RSRC2: variants seen among roughly 807,000 people sequenced by gnomAD.
The protein encoded by RSRC2 is arginine/serine-rich coiled-coil protein 2.
RSRC2 carries 5 observed loss-of-function variants against 61.3 expected under a neutral mutation model. The observed-to-expected ratio is 0.08, with a 90% CI of 0.04 to 0.17. RSRC2 has a LOEUF of 0.17. RSRC2 is among the 10% of genes least tolerant of loss of function. The pLI is 1.00. For missense variants in RSRC2, 381 were observed against 518.8 expected (o/e 0.73, Z 2.58); for synonymous variants, 202 against 166.5 (o/e 1.21, Z -1.64).
chr12:122,507,501 T>C (rs1235804791), intron 8 of RSRC2, among the ~76,000 whole-genome samples: 3 of 129,594 alleles, frequency 2.3e-5, no homozygotes, highest in South Asian at 2.4e-4. Context: ...TTGCAAATAA[T>C]GTCAAAAAAA....
intron 9 of RSRC2, among the ~76,000 whole-genome samples, chr12:122,506,045 C>G (rs1046070741): frequency 6.6e-6 from 1 of 152,054 alleles, no homozygotes; most frequent in Non-Finnish European, 1.5e-5. Flanking sequence ...CCCCCGGCCT[C>G]CCGAAGTGTT....
At chr12:122,507,837 C>T (rs1002450455) in intron 8 of RSRC2, 1 of 239,738 alleles carries the variant, frequency 4.2e-6, no homozygotes, top group African/African-American at 2.3e-5. Context: ...AGGTGCCCAC[C>T]ACCATGCCTG....
At chr12:122,514,661 ATC>A in intron 6 of RSRC2, 1 of 1,119,614 alleles carries the variant, frequency 8.9e-7, no homozygotes, top group Non-Finnish European at 1.1e-6. Context: ...ATAATGTATT[ATC>A]TGTTAATTGC....
intron 5 of RSRC2, among the ~76,000 whole-genome samples, chr12:122,515,546 G>A (rs1056009872): frequency 1.3e-5 from 2 of 152,136 alleles, no homozygotes; most frequent in African/African-American, 4.8e-5. Context: ...CTTTTGCATA[G>A]TATATCCAAT....
At position 122,518,883 on chromosome 12, in the gene RSRC2, C is replaced by T; in HGVS notation, c.354G>A (p.Lys118=). 1 of 1,614,110 alleles carries T rather than the reference C, an allele frequency of 6.2e-7. No homozygotes were observed. The highest frequency in any genetic ancestry group is 1.1e-5 in the South Asian group (1 of 91,074). The stretch of plus-strand genomic sequence containing the variant: ...TTGAGTGACTTCTGCCTCTTGATGA[C>T]TTTCTTTCTTTGCGTTTGTGCCTGT... ...GEDRHKRKER[K]SSRGRSHSRS... The change falls in exon 4 of 10, where the codon AAG becomes AAA. Residue 118 remains lysine, a synonymous_variant. Transcript: ENST00000331738.
At chr12:122,524,982 G>C (rs915286557) in intron 1 of RSRC2, among the ~76,000 whole-genome samples, 1 of 152,156 alleles carries the variant, frequency 6.6e-6, no homozygotes, top group Non-Finnish European at 1.5e-5. Context: ...CTGCGAAGGA[G>C]GTAAGCACTG....
intron 3 of RSRC2, chr12:122,520,867 T>G (rs1426516871): frequency 7.8e-6 from 2 of 255,558 alleles, no homozygotes; most frequent in Non-Finnish European, 1.6e-5. Flanking sequence ...TCCTCAAGTT[T>G]TGGTGTCACC....
Position 122,517,357 on chromosome 12 carries a change from T to C in RSRC2, c.472A>G (p.Arg158Gly). Residue 158 changes from arginine (R) to glycine (G), a missense_variant, in exon 5 of 10, where the codon AGA becomes GGA. Around this residue, in one of 4 missense-constraint regions of RSRC2, gnomAD observed 266 missense variants for 270.5 expected, o/e 0.98. Coordinates refer to ENST00000331738, the MANE Select transcript of RSRC2 (RefSeq NM_023012.6). The part of the protein sequence containing the change: ...RSRERKKSRS[R>G]SRERKKSRSR... ...CTCGATTTCTTCCTCTCTCTGCTTC[T>C]GGATCTCGATTTCTTCCGCTCCCTA... 2 of 1,614,214 alleles carry C rather than the reference T, an allele frequency of 1.2e-6. No individual in the cohort carries two copies. Among genetic ancestry groups the C allele is most frequent in the South Asian group, 1.1e-5 (1 of 91,080 alleles).
intron 8 of RSRC2, 194 bp from the exon 9 acceptor site, chr12:122,507,117 C>A (rs1958161402): frequency 6.7e-6 from 4 of 595,430 alleles, no homozygotes; most frequent in Non-Finnish European, 1.2e-5. Flanking sequence ...GTGCTTCACT[C>A]CTATAATCCC....
chr12:122,522,034 T>G, intron 2 of RSRC2, 109 bp downstream of exon 2: 114 of 1,168,746 alleles, frequency 9.8e-5, no homozygotes, highest in Non-Finnish European at 1.2e-4. Context: ...ATTACAGGCT[T>G]GAGCCACCAT....
chr12:122,518,989 T>C lies in RSRC2; in HGVS notation c.248A>G (p.His83Arg), dbSNP rs1016183170. 3 of 1,613,826 alleles carry C rather than the reference T, an allele frequency of 1.9e-6. No individual in the cohort carries two copies. Among genetic ancestry groups the C allele is most frequent in the Middle Eastern group, 1.7e-4 (1 of 5,996 alleles). ...TTTGTCATTATGTTCCTCAGACTTATGTTTCTTAGAGGATTTATCTTTGGA... is the reference window on the plus strand; with the variant it reads ...TTTGTCATTATGTTCCTCAGACTTACGTTTCTTAGAGGATTTATCTTTGGA... The part of the protein sequence containing the change: ...HESKDKSSKK[H>R]KSEEHNDKEH... Residue 83 changes from histidine to arginine, a missense_variant, in exon 4 of 10, where the codon CAT (histidine) becomes CGT (arginine). By Grantham distance (29) the His-to-Arg change is conservative. This residue lies in a region of RSRC2 where 266 missense variants were observed against 270.5 expected (regional missense o/e 0.98). Coordinates refer to ENST00000331738, the MANE Select transcript of RSRC2 (RefSeq NM_023012.6).
At chr12:122,509,962 T>C (rs777591321) in intron 7 of RSRC2, among the ~76,000 whole-genome samples, 11 of 152,068 alleles carry the variant, frequency 7.2e-5, no homozygotes, top group South Asian at 2.1e-4. Context: ...GCTGGGACTA[T>C]AGGCACACAC....
chr12:122,517,438 T>C lies in RSRC2; in HGVS notation c.399-8A>G. The C allele has an allele frequency of 6.2e-7, 1 of 1,614,086 alleles. No individual in the cohort carries two copies. ...CTTCTACTACGATGGCGTCTGAAATTAAAGTGCACAAATTTGTAATTACTT... is the reference window on the plus strand; with the variant it reads ...CTTCTACTACGATGGCGTCTGAAATCAAAGTGCACAAATTTGTAATTACTT... On this transcript the variant is annotated splice_region_variant and splice_polypyrimidine_tract_variant and intron_variant, in intron 4 of 9. Transcript: ENST00000331738.
At chr12:122,512,418 T>C (rs889614512) in intron 6 of RSRC2, among the ~76,000 whole-genome samples, 2 of 152,120 alleles carry the variant, frequency 1.3e-5, no homozygotes, top group African/African-American at 4.8e-5. Context: ...GGGTAGTAAA[T>C]TGGATTTGCT....
chr12:122,520,799 G>T, intron 3 of RSRC2: 1 of 323,512 alleles, frequency 3.1e-6, no homozygotes. Flanking sequence ...CTCATTCTTT[G>T]TCTTCTCAGG....
chr12:122,508,514 TAACG>T (rs1958269625), intron 7 of RSRC2, 67 bp from the exon 8 acceptor site: 5 of 1,221,752 alleles, frequency 4.1e-6, no homozygotes, highest in East Asian at 5.1e-5. Flanking sequence ...TGATTTACAT[TAACG>T]AACGATTTAT....
At chr12:122,508,820 G>C (rs1958289080) in intron 7 of RSRC2, among the ~76,000 whole-genome samples, 1 of 152,024 alleles carries the variant, frequency 6.6e-6, no homozygotes, top group Non-Finnish European at 1.5e-5. Flanking sequence ...GCCGGGCGTG[G>C]TGGTACATGC....
At chr12:122,507,953 A>C in intron 8 of RSRC2, 1 of 481,138 alleles carries the variant, frequency 2.1e-6, no homozygotes, top group Non-Finnish European at 3.8e-6. Context: ...GGTGTGTGCC[A>C]CCACACCCAG....
chr12:122,520,471 A>C (rs1565903888), intron 3 of RSRC2: 10 of 1,132,592 alleles, frequency 8.8e-6, no homozygotes, highest in African/African-American at 1.6e-5. Flanking sequence ...GATATATTTA[A>C]GGGAAATAGG....
Sources: allele counts gnomAD v4.1 joint callset (sites outside exome capture counted in the v4.1 genomes callset), GRCh38; gene constraint gnomAD v4.1.1; regional missense constraint gnomAD v4.1.1; transcripts MANE v1.5; gene names NCBI Gene and HGNC (gene_info 2026-07-23, HGNC 2026-07-21).